The following TRIM26 variants were observed in gnomAD, a reference collection of about 807,000 sequenced individuals.
TRIM26 encodes tripartite motif containing 26.
TRIM26 carries 16 observed loss-of-function variants against 45.5 expected under a neutral mutation model. The ratio of observed to expected loss-of-function variants is 0.35; its 90% CI spans 0.24 to 0.53. The LOEUF (loss-of-function observed/expected upper bound fraction) is 0.53, where lower values mean the gene tolerates loss of function less well. TRIM26 is among the 20% of genes least tolerant of loss of function. TRIM26 has a pLI of 0.92. For missense variants in TRIM26, 442 were observed against 691.1 expected (o/e 0.64, Z 4.04); for synonymous variants, 273 against 290.4 (o/e 0.94, Z 0.61).
intron 6 of TRIM26, among the ~76,000 whole-genome samples, chr6:30,192,427 G>C (rs1464941546): frequency 1.1e-4 from 16 of 152,144 alleles, no homozygotes; most frequent in Admixed American, 1.0e-3. Flanking sequence ...TCCCTTTAAT[G>C]TCTTCTTGAT....
In TRIM26 at chr6:30,185,232, C is replaced by T. The variant is rs1775033970; in HGVS notation, c.*644G>A. 1 of 152,306 alleles carries T rather than the reference C, an allele frequency of 6.6e-6. No individual in the cohort carries two copies. The highest frequency in any genetic ancestry group is 2.4e-5 in the African/African-American group (1 of 41,438). 9.4% of individuals were successfully genotyped at this position (152,306 alleles called of 1,614,324 possible). ...CCACAGATAGCTCCAGGGAGTCCCA[C>T]CTCCTTGGCTATGGAAATATGCTCA... On this transcript the variant is annotated 3_prime_UTR_variant, in exon 10 of 10. Coordinates refer to ENST00000454678, the MANE Select transcript of TRIM26 (RefSeq NM_003449.5). The surrounding 1 kb of genome is among the most constrained non-coding windows in gnomAD (Gnocchi z 5.7).
intron 2 of TRIM26, among the ~76,000 whole-genome samples, chr6:30,202,043 G>A (rs1426282350): frequency 6.6e-6 from 1 of 152,184 alleles, no homozygotes; most frequent in East Asian, 1.9e-4. Flanking sequence ...AAATGGCCTA[G>A]AAGTTTAAAA....
chr6:30,204,448 T>A (rs1777512206), intron 2 of TRIM26, among the ~76,000 whole-genome samples: 1 of 152,222 alleles, frequency 6.6e-6, no homozygotes. Context: ...TGACAAACTT[T>A]CACATATGGG....
rs754252397 is a variant in TRIM26 at position 30,198,429 on chromosome 6, C to G, written c.534G>C (p.Leu178=). The G allele has an allele frequency of 6.2e-7, 1 of 1,613,094 alleles. No individual in the cohort carries two copies. Residue 178 remains leucine (L), a splice_region_variant and synonymous_variant, in exon 5 of 10, where the codon CTG becomes CTC. Transcript: ENST00000454678. This position sits in a 1 kb window ranked among gnomAD's most constrained non-coding sequence, Gnocchi z 6.3. ...GGCTTCCTGAAACAGCCTCACTTAC[C>G]AGCGCGGCCAGGATATCAGCTTCTC... ...AKGEADILAA[L]KKLQDQRQYI...
intron 1 of TRIM26, among the ~76,000 whole-genome samples, chr6:30,206,651 A>T (rs885913): frequency 0.1 from 15,805 of 152,292 alleles, 994 homozygotes; most frequent in Non-Finnish European, 0.14. Flanking sequence ...GGAATCCTTT[A>T]TCATCTTGTG....
At position 30,186,299 on chromosome 6, in the gene TRIM26, C is replaced by T; in HGVS notation, c.1197G>A (p.Glu399=). ...EEEGEEEEEE[E]EAGYGDGYDD... ...CATATCCATCCCCATAGCCGGCCTC[C>T]TCTTCCTCCTCCTCCTCTTCTCCCT... Residue 399 remains glutamate (E), a synonymous_variant, in exon 10 of 10, where the codon GAG becomes GAA. Transcript: ENST00000454678. This position sits in a 1 kb window ranked among gnomAD's most constrained non-coding sequence, Gnocchi z 7.4. The T allele has an allele frequency of 6.2e-7, 1 of 1,610,344 alleles. No individual in the cohort carries two copies. The highest frequency in any genetic ancestry group is 1.7e-5 in the Admixed American group (1 of 59,908).
chr6:30,212,940 GAGAA>G (rs1185758480), intron 1 of TRIM26, among the ~76,000 whole-genome samples: 3 of 148,994 alleles, frequency 2.0e-5, no homozygotes, highest in African/African-American at 7.4e-5. Flanking sequence ...AAAAAAGAAA[GAGAA>G]AGAAAGCATG....
At chr6:30,205,509 T>C (rs1777635722) in intron 1 of TRIM26, among the ~76,000 whole-genome samples, 2 of 152,174 alleles carry the variant, frequency 1.3e-5, no homozygotes, top group Non-Finnish European at 2.9e-5. Context: ...GCATGCACGA[T>C]TATTGGCTCC....
At position 30,207,783 on chromosome 6, in the gene TRIM26, G is replaced by A. The variant is rs1777868803; in HGVS notation, c.-375-3018C>T. Among the ~76,000 whole-genome samples the A allele has an allele frequency of 6.6e-6, 1 of 152,124 alleles. No homozygotes were observed. Among genetic ancestry groups the A allele is most frequent in the African/African-American group, 2.4e-5 (1 of 41,400 alleles). On this transcript the variant is annotated intron_variant, in intron 1 of 9. Coordinates refer to ENST00000454678, the MANE Select transcript of TRIM26 (RefSeq NM_003449.5). The surrounding 1 kb of genome is among the most constrained non-coding windows in gnomAD (Gnocchi z 4.9). ...GCCTCAAAGTGCTATGCTCTTTCCT[G>A]GCTAAGCCCTTCGACAATGTAATTC...
chr6:30,199,762 G>A (rs536415174), intron 3 of TRIM26, among the ~76,000 whole-genome samples: 3 of 150,938 alleles, frequency 2.0e-5, no homozygotes, highest in Admixed American at 1.3e-4. Context: ...TCAGCCTCCC[G>A]AGTAGCTGGG....
At chr6:30,202,374 C>T (rs1240820593) in intron 2 of TRIM26, among the ~76,000 whole-genome samples, 2 of 152,156 alleles carry the variant, frequency 1.3e-5, no homozygotes, top group African/African-American at 4.8e-5. Context: ...AATCATTTTG[C>T]GACTGCCATT....
intron 1 of TRIM26, among the ~76,000 whole-genome samples, chr6:30,212,057 C>A (rs1778341324): frequency 6.6e-6 from 1 of 152,166 alleles, no homozygotes; most frequent in Admixed American, 6.5e-5. Context: ...ACTATCTCAC[C>A]CAAATCAATA....
At chr6:30,187,549 G>T in intron 9 of TRIM26, 1 of 486,470 alleles carries the variant, frequency 2.1e-6, no homozygotes. Flanking sequence ...CTTTGAAGTA[G>T]AAATTGGCGG....
At chr6:30,194,203 A>G (rs888558762) in intron 6 of TRIM26, among the ~76,000 whole-genome samples, 10 of 152,314 alleles carry the variant, frequency 6.6e-5, no homozygotes, top group African/African-American at 2.4e-4. Flanking sequence ...CCATCAACAG[A>G]TAGATAAAGA....
intron 3 of TRIM26, among the ~76,000 whole-genome samples, chr6:30,199,749 G>A (rs1413155905): frequency 3.3e-5 from 5 of 151,218 alleles, no homozygotes; most frequent in African/African-American, 1.2e-4. Context: ...CCATTCTCCT[G>A]CCTCAGCCTC....
rs28410468 is a variant in TRIM26, at chr6:30,208,906, G to A, written c.-375-4141C>T. Among the ~76,000 whole-genome samples, 3 of 31,022 alleles carry A rather than the reference G, an allele frequency of 9.7e-5. 1 individual carries two copies. The highest frequency in any genetic ancestry group is 3.1e-4 in the African/African-American group (3 of 9,644). The allele number at this position is 31,022 out of a possible 152,430, so 20.4% of individuals were successfully genotyped here. On this transcript the variant is annotated intron_variant, in intron 1 of 9. Coordinates refer to ENST00000454678, the MANE Select transcript of TRIM26 (RefSeq NM_003449.5). ...CTCTGGAGGATGGGATATAGAATAT[G>A]TGTGTGTGTGTGTGTGTGTGTGTGT...
chr6:30,190,006 CTT>C lies in TRIM26; in HGVS notation c.788+5_788+6del, dbSNP rs562841357. On this transcript the variant is annotated splice_donor_5th_base_variant and intron_variant, in intron 7 of 9. Transcript: ENST00000454678. This position sits in a 1 kb window ranked among gnomAD's most constrained non-coding sequence, Gnocchi z 4.3. ...TGAGGTACGCCATGGAGAGGAGACT[CTT>C]TTACCTGTTTAGGAAGTCTCTCGTG... The C allele has an allele frequency of 2.9e-3, 4,624 of 1,612,908 alleles. 8 individuals carry two copies. Among genetic ancestry groups the C allele is most frequent in the Non-Finnish European group, 3.5e-3 (4,143 of 1,179,904 alleles).
chr6:30,200,796 C>CT (rs1264851763), intron 3 of TRIM26, among the ~76,000 whole-genome samples: 1 of 152,274 alleles, frequency 6.6e-6, no homozygotes, highest in African/African-American at 2.4e-5. Context: ...TGATACTTAC[C>CT]TTTAAGGGTT....
rs1377622743 is a variant in TRIM26, at chr6:30,193,184, T to TATA, written c.766-3150_766-3149insTAT. On this transcript the variant is annotated intron_variant, in intron 6 of 9. Coordinates refer to ENST00000454678, the MANE Select transcript of TRIM26 (RefSeq NM_003449.5). Reference sequence around the variant, plus strand: ...TGTGTATATATATATATATATATATTTTTTTTTTTTTTTTTTTAATGGAGT... The same window carrying TATA: ...TGTGTATATATATATATATATATATTATATTTTTTTTTTTTTTTTTAATGGAGT... Among the ~76,000 whole-genome samples, 115 of 34,750 alleles carry TATA rather than the reference T, an allele frequency of 3.3e-3. 5 individuals carry two copies. Among genetic ancestry groups the TATA allele is most frequent in the Admixed American group, 0.032 (75 of 2,318 alleles). 22.8% of individuals were successfully genotyped at this position (34,750 alleles called of 152,430 possible). A position where few individuals can be genotyped will look rare whatever the true frequency, so the allele number is the denominator to read the frequency against.
Sources: allele counts gnomAD v4.1 joint callset (sites outside exome capture counted in the v4.1 genomes callset), GRCh38; gene constraint gnomAD v4.1.1; non-coding constraint Gnocchi (gnomAD v3.1); transcripts MANE v1.5; gene names NCBI Gene and HGNC (gene_info 2026-07-23, HGNC 2026-07-21).